EFCAB7: variants seen among roughly 807,000 people sequenced by gnomAD.
EFCAB7 encodes the protein EF-hand calcium-binding domain-containing protein 7.
A neutral mutation model predicts 77.1 loss-of-function variants in EFCAB7; 66 were observed. The observed-to-expected ratio is 0.86, with a 90% CI of 0.70 to 1.05. The LOEUF (loss-of-function observed/expected upper bound fraction) is 1.05, where lower values mean the gene tolerates loss of function less well. Among genes scored for constraint, EFCAB7 ranks in the 50% least tolerant of loss-of-function variants. The pLI, the probability that EFCAB7 is intolerant of heterozygous loss-of-function variation, is 0.00. For missense variants in EFCAB7, 638 were observed against 730.5 expected (o/e 0.87, Z 1.46); for synonymous variants, 225 against 243.3 (o/e 0.92, Z 0.70).
downstream of EFCAB7, among the ~76,000 whole-genome samples, chr1:63,575,784 T>C (rs1289868474): frequency 2.0e-5 from 3 of 152,012 alleles, no homozygotes; most frequent in Non-Finnish European, 4.4e-5. Context: ...GGTGGGGTTT[T>C]GCCATGTTGC....
At chr1:63,537,628 G>T (rs1255968788) in intron 6 of EFCAB7, among the ~76,000 whole-genome samples, 1 of 151,828 alleles carries the variant, frequency 6.6e-6, no homozygotes, top group Non-Finnish European at 1.5e-5. Context: ...TAGATTTCAG[G>T]CCACATCAAT....
At chr1:63,534,397 T>C (rs1225377219) in intron 6 of EFCAB7, 181 bp downstream of exon 6, 4 of 458,918 alleles carry the variant, frequency 8.7e-6, no homozygotes, top group African/African-American at 5.9e-5. Flanking sequence ...TGAATATTAT[T>C]ATAAGGTCTT....
At chr1:63,536,258 T>C (rs1270447406) in intron 6 of EFCAB7, among the ~76,000 whole-genome samples, 2 of 152,232 alleles carry the variant, frequency 1.3e-5, no homozygotes, top group Non-Finnish European at 1.5e-5. Context: ...CGGATCTTGA[T>C]ATTGCCCACT....
At chr1:63,549,343 C>G (rs1367099735) in intron 7 of EFCAB7, 1 of 470,672 alleles carries the variant, frequency 2.1e-6, no homozygotes, top group African/African-American at 2.0e-5. Flanking sequence ...CTGCAAGGAA[C>G]AAAATGTTTG....
chr1:63,562,484 TATATATATATAA>T lies in EFCAB7; in HGVS notation c.1497+629_1497+640del, dbSNP rs1201582051. Reference sequence around the variant, plus strand: ...ATATATATATATATATATATATATATATATATATATAAAACTTTTTTTTTTTTTAATTTGAGA... The same window carrying T: ...ATATATATATATATATATATATATATAACTTTTTTTTTTTTTAATTTGAGA... On this transcript the variant is annotated intron_variant, in intron 11 of 13. Transcript: ENST00000371088. 5.7e-4 allele frequency among the ~76,000 whole-genome samples: 54 copies of T among 94,436 alleles called. 2 individuals are homozygous for T. The highest frequency in any genetic ancestry group is 2.8e-3 in the African/African-American group (53 of 18,616). The allele number at this position is 94,436 out of a possible 152,430, so 62.0% of individuals were successfully genotyped here.
chr1:63,533,313 A>G, intron 4 of EFCAB7, 141 bp from the exon 5 acceptor site: 1 of 626,750 alleles, frequency 1.6e-6, no homozygotes, highest in Non-Finnish European at 2.6e-6. Flanking sequence ...ATCTGATTCA[A>G]AAAAATAAAA....
chr1:63,530,979 T>C (rs1244264264), intron 2 of EFCAB7, among the ~76,000 whole-genome samples: 1 of 152,210 alleles, frequency 6.6e-6, no homozygotes, highest in Non-Finnish European at 1.5e-5. Flanking sequence ...CGTCGCTGCA[T>C]GCATTTATCT....
chr1:63,553,019 A>G (rs1188445928), intron 8 of EFCAB7, among the ~76,000 whole-genome samples: 1 of 152,244 alleles, frequency 6.6e-6, no homozygotes, highest in Non-Finnish European at 1.5e-5. Flanking sequence ...TAGCAAAATT[A>G]TAATAGAGTT....
downstream of EFCAB7, among the ~76,000 whole-genome samples, chr1:63,574,079 C>A (rs12065692): frequency 6.2e-3 from 951 of 152,226 alleles, 4 homozygotes; most frequent in African/African-American, 0.022. Context: ...AGTGTCTACC[C>A]CGACCAAGAG....
intron 6 of EFCAB7, among the ~76,000 whole-genome samples, chr1:63,536,008 A>G (rs946641071): frequency 6.6e-6 from 1 of 152,192 alleles, no homozygotes; most frequent in Non-Finnish European, 1.5e-5. Flanking sequence ...AAAAATGCCA[A>G]AATTAGTCTG....
chr1:63,531,448 C>A (rs529712882), intron 2 of EFCAB7, among the ~76,000 whole-genome samples: 40 of 152,152 alleles, frequency 2.6e-4, no homozygotes, highest in African/African-American at 9.4e-4. Context: ...ATCCTTTTGT[C>A]CCCCAAACAA....
chr1:63,538,044 T>C (rs1646783626), intron 6 of EFCAB7, among the ~76,000 whole-genome samples: 1 of 152,220 alleles, frequency 6.6e-6, no homozygotes, highest in Non-Finnish European at 1.5e-5. Flanking sequence ...TTTCGTTATA[T>C]ATTATGAATG....
At chr1:63,574,208 G>A (rs1474646489), downstream of EFCAB7, among the ~76,000 whole-genome samples, 2 of 152,114 alleles carry the variant, frequency 1.3e-5, no homozygotes, top group Non-Finnish European at 2.9e-5. Flanking sequence ...TCCCTGAGAG[G>A]TAGTAGAATT....
intron 6 of EFCAB7, among the ~76,000 whole-genome samples, chr1:63,545,569 C>T (rs1646887484): frequency 1.3e-5 from 2 of 152,208 alleles, no homozygotes; most frequent in South Asian, 4.1e-4. Flanking sequence ...CAGGTTCACG[C>T]AATTCTCCTG....
intron 11 of EFCAB7, 90 bp from the exon 12 acceptor site, chr1:63,568,220 G>A (rs1014505415): frequency 4.6e-6 from 5 of 1,097,264 alleles, no homozygotes; most frequent in East Asian, 5.5e-5. Context: ...CAAGCTAGAA[G>A]GTATAGCATA....
At chr1:63,531,172 TTAGA>T (rs1646689190) in intron 2 of EFCAB7, among the ~76,000 whole-genome samples, 1 of 152,104 alleles carries the variant, frequency 6.6e-6, no homozygotes, top group South Asian at 2.1e-4. Context: ...CCCAGAGTAC[TTAGA>T]TAGTACTTAA....
intron 6 of EFCAB7, among the ~76,000 whole-genome samples, chr1:63,542,316 T>G (rs932731440): frequency 3.3e-5 from 5 of 152,258 alleles, no homozygotes; most frequent in Non-Finnish European, 7.3e-5. Flanking sequence ...AATATTCCCT[T>G]GTATGTATTT....
chr1:63,534,141 A>G lies in EFCAB7; in HGVS notation c.729A>G (p.Thr243=). The part of the protein sequence containing the change: ...SLLSATRKFK[T]SVSFTVTMGA... Reference sequence around the variant, plus strand: ...TGTCAGCAACCAGGAAGTTCAAAACATCTGTTTCCTTCACAGTTACCATGG... The same window carrying G: ...TGTCAGCAACCAGGAAGTTCAAAACGTCTGTTTCCTTCACAGTTACCATGG... The change falls in exon 6 of 14, where the codon ACA becomes ACG. Residue 243 remains threonine, a synonymous_variant. Transcript: ENST00000371088. The G allele has an allele frequency of 8.1e-6, 13 of 1,613,468 alleles. No individual in the cohort carries two copies. The highest frequency in any genetic ancestry group is 1.3e-5 in the African/African-American group (1 of 75,024).
intron 6 of EFCAB7, among the ~76,000 whole-genome samples, chr1:63,541,794 C>T (rs1646832046): frequency 6.6e-6 from 1 of 152,062 alleles, no homozygotes; most frequent in Non-Finnish European, 1.5e-5. Flanking sequence ...AACTCTTGAC[C>T]TCAGGTGATG....
Sources: gnomAD v4.1 joint callset for allele counts (sites outside exome capture counted in the v4.1 genomes callset) on GRCh38, gnomAD v4.1.1 for gene constraint, MANE v1.5 for transcripts, NCBI Gene and HGNC (gene_info 2026-07-23, HGNC 2026-07-21) for gene names.